The following ASPM variants were observed in gnomAD, a reference collection of about 807,000 sequenced individuals.
ASPM encodes assembly factor for spindle microtubules.
Under a neutral mutation model 366.4 loss-of-function variants are expected in ASPM, and 256 were observed. The ratio of observed to expected loss-of-function variants is 0.70; its 90% CI spans 0.63 to 0.77. The LOEUF is 0.77. Among genes scored for constraint, ASPM ranks in the 30% least tolerant of loss-of-function variants. The pLI is 0.00. For synonymous variants in ASPM, 1,414 were observed against 1,342.9 expected, an observed-to-expected ratio of 1.05 and a Z score of -1.16; for missense variants, 4,146 against 4,090.4, an observed-to-expected ratio of 1.01 and a Z score of -0.37.
intron 17 of ASPM, among the ~76,000 whole-genome samples, chr1:197,114,113 T>C (rs1434211593): frequency 6.6e-6 from 1 of 152,188 alleles, no homozygotes; most frequent in Non-Finnish European, 1.5e-5. Flanking sequence ...TACAATAAAG[T>C]GAGTCACACA....
At chr1:197,131,060 G>T (rs1026492246) in intron 7 of ASPM, among the ~76,000 whole-genome samples, 2 of 152,200 alleles carry the variant, frequency 1.3e-5, no homozygotes, top group African/African-American at 4.8e-5. Context: ...TAGTTGATCT[G>T]TAACTTGCCA....
At chr1:197,128,059 G>A (rs11589285) in intron 10 of ASPM, among the ~76,000 whole-genome samples, 2,113 of 151,996 alleles carry the variant, frequency 0.014, 25 homozygotes, top group Non-Finnish European at 0.023. Context: ...CAGCTACTCC[G>A]GAGGCTGAGG....
At chr1:197,090,492 C>A in intron 23 of ASPM, 104 bp from the exon 24 acceptor site, 2 of 931,830 alleles carry the variant, frequency 2.1e-6, no homozygotes, top group Non-Finnish European at 1.6e-6. Flanking sequence ...ATTTATTTGA[C>A]ATGATCACAT....
At chr1:197,093,991 G>C in intron 20 of ASPM, 93 bp downstream of exon 20, 1 of 857,584 alleles carries the variant, frequency 1.2e-6, no homozygotes. Flanking sequence ...TCCAGCGAAG[G>C]ATTTATTTTT....
chr1:197,116,025 T>C (rs1410644932), intron 17 of ASPM, among the ~76,000 whole-genome samples: 1 of 152,206 alleles, frequency 6.6e-6, no homozygotes, highest in Non-Finnish European at 1.5e-5. Flanking sequence ...CTTCTTTTAA[T>C]AGAAGTCTGT....
rs1160491385 is a variant in ASPM at position 197,100,716 on chromosome 1, G to A, written c.8535C>T (p.Phe2845=). Residue 2845 remains phenylalanine, a synonymous_variant, in exon 18 of 28, where the codon TTC becomes TTT. Coordinates refer to ENST00000367409, the MANE Select transcript of ASPM (RefSeq NM_018136.5). The stretch of plus-strand genomic sequence containing the variant: ...TCCGATACACAGCCATCTGAAGGAA[G>A]AACTGAATCCGTAGGGCAGCACATT... ...TQKCAALRIQ[F]FLQMAVYRRR... is the part of the protein sequence containing the mutation. 1.2e-6 allele frequency: 2 copies of A among 1,612,472 alleles called. No individual in the cohort carries two copies. Among genetic ancestry groups the A allele is most frequent in the South Asian group, 1.1e-5 (1 of 91,066 alleles).
intron 20 of ASPM, 82 bp downstream of exon 20, chr1:197,094,002 A>T (rs1656880761): frequency 1.0e-6 from 1 of 984,926 alleles, no homozygotes; most frequent in Non-Finnish European, 1.5e-6. Flanking sequence ...ATTTATTTTT[A>T]AAAATTAAAA....
At chr1:197,094,047 G>A (rs746855463) in intron 20 of ASPM, 37 bp downstream of exon 20, 21 of 1,180,290 alleles carry the variant, frequency 1.8e-5, no homozygotes, top group Non-Finnish European at 2.3e-5. Context: ...ATTTCCTAAA[G>A]TAGTTATTTG....
At chr1:197,129,448 T>C in intron 8 of ASPM, 131 bp from the exon 9 acceptor site, 3 of 984,352 alleles carry the variant, frequency 3.0e-6, no homozygotes, top group Non-Finnish European at 4.5e-6. Flanking sequence ...AATAAAACAC[T>C]ATGTGCCTTT....
Position 197,094,114 on chromosome 1 carries a change from C to G in ASPM, c.9054G>C (p.Lys3018Asn), listed in dbSNP as rs761158397. ...QRKWRAILPA[K>N]IAHEHFLMIK... ...TCATTAAGAAGTGTTCATGAGCTAT[C>G]TTTGCAGGAAGTATAGCTCTCCATT... The change falls in exon 20 of 28, where the codon AAG (lysine) becomes AAC (asparagine). Residue 3018 changes from lysine (K) to asparagine (N), a missense_variant. Transcript: ENST00000367409. 1.2e-6 allele frequency: 2 copies of G among 1,604,924 alleles called. No individual in the cohort carries two copies. The highest frequency in any genetic ancestry group is 1.7e-6 in the Non-Finnish European group (2 of 1,174,054).
intron 21 of ASPM, 104 bp from the exon 22 acceptor site, chr1:197,092,160 G>A: frequency 9.2e-7 from 1 of 1,082,480 alleles, no homozygotes. Flanking sequence ...AAACTAGCAA[G>A]AATAAACTAA....
chr1:197,137,729 C>T (rs1168666110), intron 4 of ASPM, among the ~76,000 whole-genome samples: 1 of 152,218 alleles, frequency 6.6e-6, no homozygotes, highest in African/African-American at 2.4e-5. Context: ...GATCCGCCCA[C>T]TTTGGCCTCC....
Position 197,128,488 on chromosome 1 carries a change from A to G in ASPM, c.2936+2T>C, listed in dbSNP as rs1013965863. The G allele has an allele frequency of 6.2e-7, 1 of 1,609,824 alleles. No homozygotes were observed. The highest frequency in any genetic ancestry group is 8.5e-7 in the Non-Finnish European group (1 of 1,176,056). On this transcript the variant is annotated splice_donor_variant, in intron 10 of 27. Coordinates refer to ENST00000367409, the MANE Select transcript of ASPM (RefSeq NM_018136.5). LOFTEE classifies it high-confidence loss of function. The stretch of plus-strand genomic sequence containing the variant: ...CAAAATAATTCTATTTCTTATACGT[A>G]CACAAGGCGCACTCCACATTGCAAG...
In ASPM at chr1:197,090,331, T is replaced by C. The variant is rs755101149; in HGVS notation, c.9694A>G (p.Ile3232Val). Residue 3232 changes from isoleucine (I) to valine (V), a missense_variant, in exon 24 of 28, where the codon ATA becomes GTA. Coordinates refer to ENST00000367409, the MANE Select transcript of ASPM (RefSeq NM_018136.5). ...TTAACAACTTGAAGACTTAGTCGTA[T>C]AGCTTTAATTTTTGTACAATCATTT... The part of the protein sequence containing the change: ...KKNDCTKIKA[I>V]RLSLQVVNRE... The C allele has an allele frequency of 4.3e-6, 7 of 1,612,706 alleles. No homozygotes were observed. Among genetic ancestry groups the C allele is most frequent in the East Asian group, 2.2e-5 (1 of 44,718 alleles).
At chr1:197,125,441 C>T (rs1658062270) in intron 10 of ASPM, among the ~76,000 whole-genome samples, 1 of 151,530 alleles carries the variant, frequency 6.6e-6, no homozygotes, top group African/African-American at 2.4e-5. Context: ...ATGCACACAT[C>T]AACAAAATAA....
intron 27 of ASPM, among the ~76,000 whole-genome samples, chr1:197,086,192 G>C (rs1018767426): frequency 2.6e-4 from 39 of 151,640 alleles, no homozygotes; most frequent in African/African-American, 9.0e-4. Context: ...AATAATGTAG[G>C]ATTTGTACCT....
chr1:197,087,039 C>G (rs1259968665), intron 26 of ASPM, 67 bp from the exon 27 acceptor site: 1 of 1,372,630 alleles, frequency 7.3e-7, no homozygotes, highest in African/African-American at 1.5e-5. Context: ...TTTAGACTAG[C>G]AAAATCAAAT....
rs1476144174 is a variant in ASPM at position 197,104,232 on chromosome 1, C to CT, written c.5018dup (p.Glu1674GlyfsTer17). The CT allele has an allele frequency of 1.2e-6, 2 of 1,612,414 alleles. No homozygotes were observed. The highest frequency in any genetic ancestry group is 1.7e-6 in the Non-Finnish European group (2 of 1,179,270). ...TAGCATTTTTTAGGCTCAAAAATTC[C>CT]TTTTTAGAAACATAAGCACGATAAT... On this transcript the variant is annotated frameshift_variant, in exon 18 of 28. Transcript: ENST00000367409. LOFTEE classifies it high-confidence loss of function.
Position 197,086,857 on chromosome 1 carries a change from G to A in ASPM, c.10277C>T (p.Ser3426Phe). The change falls in exon 27 of 28, where the codon TCT becomes TTT. Residue 3426 changes from serine (S) to phenylalanine (F), a missense_variant. Physicochemically the swap from Ser to Phe is radical, Grantham distance 155. Transcript: ENST00000367409. ...TTCTGGGATAAAAGGAATGCTTATA[G>A]AAGAATTCTTCTTTTGCTTGTAAAG... ...RILYKQKKNS[S>F]ISIPFIPETP... is the part of the protein sequence containing the mutation. 3 of 1,611,518 alleles carry A rather than the reference G, an allele frequency of 1.9e-6. No individual in the cohort carries two copies. Among genetic ancestry groups the A allele is most frequent in the Non-Finnish European group, 2.5e-6 (3 of 1,178,116 alleles).
Sources: allele counts gnomAD v4.1 joint callset (sites outside exome capture counted in the v4.1 genomes callset), GRCh38; gene constraint gnomAD v4.1.1; transcripts MANE v1.5; gene names NCBI Gene and HGNC (gene_info 2026-07-23, HGNC 2026-07-21).